ASIC4: variants seen among roughly 807,000 people sequenced by gnomAD.
The protein encoded by ASIC4 is acid sensing ion channel subunit family member 4.
ASIC4 carries 28 observed loss-of-function variants against 53.4 expected under a neutral mutation model. That is an observed-to-expected ratio of 0.52 (90% CI 0.39 to 0.72). The LOEUF (loss-of-function observed/expected upper bound fraction) is 0.72. Among genes scored for constraint, ASIC4 ranks in the 30% least tolerant of loss-of-function variants. The pLI is 0.00. For synonymous variants in ASIC4, 289 were observed against 301.4 expected (o/e 0.96, Z 0.43); for missense variants, 649 against 729.7 (o/e 0.89, Z 1.27).
Position 219,537,879 on chromosome 2 carries a change from G to C in ASIC4, c.1507-54G>C. 4 of 1,505,250 alleles carry C rather than the reference G, an allele frequency of 2.7e-6. No homozygotes were observed. Among genetic ancestry groups the C allele is most frequent in the African/African-American group, 1.4e-5 (1 of 72,988 alleles). The allele number at this position is 1,505,250 out of a possible 1,614,324, so 93.2% of individuals were successfully genotyped here. Reference sequence around the variant, plus strand: ...AGGAAAGGCTGGCGGTGTGAGCCCTGGGGGCACCACTTGAGCTCTCCCGGT... The same window carrying C: ...AGGAAAGGCTGGCGGTGTGAGCCCTCGGGGCACCACTTGAGCTCTCCCGGT... On this transcript the variant is annotated intron_variant, in intron 9 of 9. Coordinates refer to ENST00000358078, the MANE Select transcript of ASIC4 (RefSeq NM_018674.6). This position sits in a 1 kb window ranked among gnomAD's most constrained non-coding sequence, Gnocchi z 4.9.
chr2:219,526,114 G>A (rs1245977914), intron 1 of ASIC4, among the ~76,000 whole-genome samples: 1 of 152,216 alleles, frequency 6.6e-6, no homozygotes, highest in Middle Eastern at 3.2e-3. Context: ...GGCTCTGCGA[G>A]GGAGGGAGGA....
chr2:219,532,594 T>TACAA, intron 4 of ASIC4, 117 bp downstream of exon 4: 1 of 1,353,394 alleles, frequency 7.4e-7, no homozygotes, highest in Non-Finnish European at 9.9e-7. Context: ...TGTGTATGTG[T>TACAA]CTGTACCCGT....
intron 5 of ASIC4, chr2:219,533,176 G>T: frequency 1.7e-6 from 1 of 584,058 alleles, no homozygotes. Context: ...GCCAGGACTG[G>T]GAGTGAAGGT....
Position 219,535,281 on chromosome 2 carries a change from C to A in ASIC4, c.1186C>A (p.Arg396=). The A allele has an allele frequency of 6.2e-7, 1 of 1,613,692 alleles. No homozygotes were observed. Among genetic ancestry groups the A allele is most frequent in the Non-Finnish European group, 8.5e-7 (1 of 1,179,926 alleles). The change falls in exon 6 of 10, where the codon CGG becomes AGG. Residue 396 remains arginine, a synonymous_variant. Transcript: ENST00000358078. ...MVRIPNRGSA[R]YLARKYNRNE... is the part of the protein sequence containing the mutation. ...CAGGATCCCCAACAGGGGCTCAGCCCGGTACCTGGCGAGGAAGTACAACCG... is the reference window on the plus strand; with the variant it reads ...CAGGATCCCCAACAGGGGCTCAGCCAGGTACCTGGCGAGGAAGTACAACCG...
At chr2:219,515,968 G>A (rs1267716999) in intron 1 of ASIC4, among the ~76,000 whole-genome samples, 1 of 152,134 alleles carries the variant, frequency 6.6e-6, no homozygotes, top group African/African-American at 2.4e-5. Context: ...CTGTTCTAGC[G>A]GCTCCCATGC....
At position 219,538,242 on chromosome 2, in the gene ASIC4, A is replaced by C. The variant is rs937248345; in HGVS notation, c.*196A>C. On this transcript the variant is annotated 3_prime_UTR_variant, in exon 10 of 10. Coordinates refer to ENST00000358078, the MANE Select transcript of ASIC4 (RefSeq NM_018674.6). ...CTTCTTGTCCACACCCCTTATCCCC[A>C]GGCTGGTGCCCCGGGAGGGCTGGAG... 1.8e-4 allele frequency: 109 copies of C among 589,320 alleles called. No homozygotes were observed. The highest frequency in any genetic ancestry group is 4.2e-5 in the Non-Finnish European group (14 of 332,486). The allele number at this position is 589,320 out of a possible 1,614,324, so 36.5% of individuals were successfully genotyped here.
chr2:219,538,572 A>T lies in ASIC4; in HGVS notation c.*526A>T, dbSNP rs1164596044. On this transcript the variant is annotated 3_prime_UTR_variant, in exon 10 of 10. Transcript: ENST00000358078. Reference sequence around the variant, plus strand: ...GCTCCCCTCTTGGCAGGGGGAGAGGATGGCCCAGCAGGCCTGGCCCAGCTC... The same window carrying T: ...GCTCCCCTCTTGGCAGGGGGAGAGGTTGGCCCAGCAGGCCTGGCCCAGCTC... The T allele has an allele frequency of 6.2e-6, 1 of 160,836 alleles. No individual in the cohort carries two copies. Among genetic ancestry groups the T allele is most frequent in the African/African-American group, 2.4e-5 (1 of 41,358 alleles). 10.0% of individuals were successfully genotyped at this position (160,836 alleles called of 1,614,324 possible).
Position 219,537,821 on chromosome 2 carries a change from G to A in ASIC4, c.1506+85G>A. On this transcript the variant is annotated intron_variant, in intron 9 of 9. Transcript: ENST00000358078. The surrounding 1 kb of genome is among the most constrained non-coding windows in gnomAD (Gnocchi z 4.9). ...TCCATTGTTTCTGAACCAGCCTGTG[G>A]AGGGGGCCCTGGAGCCTCTGCCCGA... 6.6e-7 allele frequency: 1 copy of A among 1,520,604 alleles called. No individual in the cohort carries two copies. Among genetic ancestry groups the A allele is most frequent in the Non-Finnish European group, 9.0e-7 (1 of 1,114,782 alleles). The allele number at this position is 1,520,604 out of a possible 1,614,324, so 94.2% of individuals were successfully genotyped here.
At chr2:219,529,077 T>C (rs912932098) in intron 1 of ASIC4, among the ~76,000 whole-genome samples, 3 of 152,374 alleles carry the variant, frequency 2.0e-5, no homozygotes, top group Non-Finnish European at 1.5e-5. Context: ...CAATAGTGTT[T>C]AAGCCCTGGG....
intron 1 of ASIC4, among the ~76,000 whole-genome samples, chr2:219,519,374 AC>A (rs1334187154): frequency 5.9e-5 from 9 of 151,970 alleles, no homozygotes; most frequent in Non-Finnish European, 1.3e-4. Flanking sequence ...CTGGTTTCCG[AC>A]CCATGTGCTG....
At chr2:219,534,866 A>G (rs1695101803) in intron 5 of ASIC4, among the ~76,000 whole-genome samples, 2 of 151,896 alleles carry the variant, frequency 1.3e-5, no homozygotes, top group African/African-American at 4.8e-5. Context: ...GGCCTCACAT[A>G]GTTGATTAGC....
intron 5 of ASIC4, among the ~76,000 whole-genome samples, chr2:219,534,642 G>A (rs1695097521): frequency 6.6e-6 from 1 of 152,368 alleles, no homozygotes; most frequent in South Asian, 2.1e-4. Flanking sequence ...AGGGTGCAGA[G>A]CAAGGTTGAA....
upstream of ASIC4, among the ~76,000 whole-genome samples, chr2:219,511,667 C>G (rs1389097022): frequency 6.6e-6 from 1 of 151,630 alleles, no homozygotes; most frequent in African/African-American, 2.4e-5. The surrounding 1 kb of genome is among the most constrained non-coding windows in gnomAD (Gnocchi z 5.3). Flanking sequence ...GCCAGCCACA[C>G]TTGTCCCTGA....
chr2:219,533,244 A>G, intron 5 of ASIC4: 1 of 504,282 alleles, frequency 2.0e-6, no homozygotes, highest in Non-Finnish European at 3.6e-6. Context: ...AAGTGAAATG[A>G]CTTCTCTCTT....
chr2:219,522,506 G>A (rs1283314047), intron 1 of ASIC4, among the ~76,000 whole-genome samples: 1 of 152,140 alleles, frequency 6.6e-6, no homozygotes, highest in Non-Finnish European at 1.5e-5. Flanking sequence ...ACGTTGGGGA[G>A]CCCCAGGTTC....
In ASIC4 at chr2:219,514,807, G is replaced by A; in HGVS notation, c.83G>A (p.Ser28Asn). Residue 28 changes from serine to asparagine, a missense_variant, in exon 1 of 10, where the codon AGC becomes AAC. Coordinates refer to ENST00000358078, the MANE Select transcript of ASIC4 (RefSeq NM_018674.6). The stretch of plus-strand genomic sequence containing the variant: ...GAGAAGGAGGCAGGGGATGAGCAGA[G>A]CCTCCTCGGGGCTGTTGCCCCTGGA... ...PKEKEAGDEQ[S>N]LLGAVAPGAA... The A allele has an allele frequency of 6.2e-7, 1 of 1,613,418 alleles. No homozygotes were observed. The highest frequency in any genetic ancestry group is 8.5e-7 in the Non-Finnish European group (1 of 1,179,980).
chr2:219,508,822 G>T, the ASIC4 span, among the ~76,000 whole-genome samples: 2 of 146,746 alleles, frequency 1.4e-5, no homozygotes, highest in Non-Finnish European at 3.0e-5. Context: ...ATGAGCGGGG[G>T]AGGGATGCGG....
intron 1 of ASIC4, among the ~76,000 whole-genome samples, chr2:219,523,251 G>A (rs1345418186): frequency 6.6e-6 from 1 of 152,206 alleles, no homozygotes; most frequent in African/African-American, 2.4e-5. Flanking sequence ...AGGGTGTAAG[G>A]CCTAAGCGGT....
Position 219,536,957 on chromosome 2 carries a change from ACTT to A in ASIC4, c.1230-107_1230-105del. 1.1e-6 allele frequency: 1 copy of A among 945,618 alleles called. No individual in the cohort carries two copies. The highest frequency in any genetic ancestry group is 1.6e-6 in the Non-Finnish European group (1 of 614,030). The allele number at this position is 945,618 out of a possible 1,614,324, so 58.6% of individuals were successfully genotyped here. Reference sequence around the variant, plus strand: ...TGGGGAGTCCGGGGGGTAGTCACTGACTTCCCCATGTAGTGATCTCTGATCAGG... The same window carrying A: ...TGGGGAGTCCGGGGGGTAGTCACTGACCCCATGTAGTGATCTCTGATCAGG... On this transcript the variant is annotated intron_variant, in intron 6 of 9. Transcript: ENST00000358078. This position sits in a 1 kb window ranked among gnomAD's most constrained non-coding sequence, Gnocchi z 4.6.
Sources: allele counts gnomAD v4.1 joint callset (sites outside exome capture counted in the v4.1 genomes callset), GRCh38; gene constraint gnomAD v4.1.1; non-coding constraint Gnocchi (gnomAD v3.1); transcripts MANE v1.5; gene names NCBI Gene and HGNC (gene_info 2026-07-23, HGNC 2026-07-21).